Variants in MOB1B observed in about 807,000 individuals in gnomAD.
MOB1B encodes MOB kinase activator 1B.
A neutral mutation model predicts 24.4 loss-of-function variants in MOB1B; 19 were observed. That is an observed-to-expected ratio of 0.78 (90% CI 0.54 to 1.14). The LOEUF is 1.14. MOB1B is among the 50% of genes most tolerant of loss of function. MOB1B has a pLI of 0.00. For missense variants in MOB1B, 243 were observed against 259.6 expected (o/e 0.94, Z 0.44); for synonymous variants, 76 against 82.1 (o/e 0.93, Z 0.40).
chr4:70,927,003 G>A (rs75911286), intron 1 of MOB1B, among the ~76,000 whole-genome samples: 124 of 141,060 alleles, frequency 8.8e-4, no homozygotes, highest in East Asian at 1.0e-3. Flanking sequence ...TCTCAAAAAA[G>A]AAAAAAAAAA....
At chr4:70,951,282 G>A (rs1560651424) in intron 1 of MOB1B, among the ~76,000 whole-genome samples, 1 of 152,102 alleles carries the variant, frequency 6.6e-6, no homozygotes, top group Admixed American at 6.6e-5. Flanking sequence ...GTTGTCTTCC[G>A]TGAAACTGGT....
chr4:70,941,562 C>A (rs1206518110), intron 1 of MOB1B, among the ~76,000 whole-genome samples: 2 of 152,034 alleles, frequency 1.3e-5, no homozygotes, highest in South Asian at 2.1e-4. Context: ...AGGATGGTCT[C>A]GATCTCCTGA....
chr4:70,974,691 A>G (rs1398292374), intron 3 of MOB1B, among the ~76,000 whole-genome samples: 1 of 152,194 alleles, frequency 6.6e-6, no homozygotes, highest in African/African-American at 2.4e-5. Context: ...TCTCATCTTC[A>G]TTAATCTTAT....
intron 2 of MOB1B, among the ~76,000 whole-genome samples, chr4:70,962,893 A>G (rs1223787893): frequency 6.6e-6 from 1 of 152,090 alleles, no homozygotes; most frequent in Admixed American, 6.5e-5. Flanking sequence ...AGTCCCAGCT[A>G]CTTGGCAGGC....
At chr4:70,937,196 G>A (rs1737120410) in intron 1 of MOB1B, among the ~76,000 whole-genome samples, 2 of 152,084 alleles carry the variant, frequency 1.3e-5, no homozygotes, top group South Asian at 4.1e-4. Flanking sequence ...GGGATTACAG[G>A]CGTGAGCCAC....
intron 1 of MOB1B, among the ~76,000 whole-genome samples, chr4:70,934,266 A>G (rs745531276): frequency 4.7e-5 from 7 of 147,818 alleles, no homozygotes; most frequent in Non-Finnish European, 7.4e-5. Context: ...TTGTATTTTT[A>G]GTAGAGATGG....
At position 70,982,835 on chromosome 4, in the gene MOB1B, A is replaced by G. The variant is rs1336368574; in HGVS notation, c.*778A>G. 1 of 152,540 alleles carries G rather than the reference A, an allele frequency of 6.6e-6. No individual in the cohort carries two copies. Among genetic ancestry groups the G allele is most frequent in the East Asian group, 1.9e-4 (1 of 5,176 alleles). The allele number at this position is 152,540 out of a possible 1,614,324, so 9.4% of individuals were successfully genotyped here. A position where few individuals can be genotyped will look rare whatever the true frequency, so the allele number is the denominator to read the frequency against. ...CTGTAGATGTAAAAATTCAGGTTAT[A>G]TATAGGATTGCCATCTTCAGAGGTG... On this transcript the variant is annotated 3_prime_UTR_variant, in exon 6 of 6. Transcript: ENST00000309395.
chr4:70,965,510 A>G (rs929164906), intron 2 of MOB1B, among the ~76,000 whole-genome samples: 4 of 151,394 alleles, frequency 2.6e-5, no homozygotes, highest in African/African-American at 9.7e-5. Flanking sequence ...TAAAAGTTGT[A>G]AGAGAGGCCG....
At chr4:70,979,057 C>A (rs1462897256) in intron 4 of MOB1B, 71 bp from the exon 5 acceptor site, 2 of 1,259,000 alleles carry the variant, frequency 1.6e-6, no homozygotes, top group Non-Finnish European at 2.3e-6. Flanking sequence ...TTTATGTTGA[C>A]CTTTGCCGAC....
At chr4:70,954,349 A>T (rs903289398) in intron 1 of MOB1B, among the ~76,000 whole-genome samples, 3 of 152,234 alleles carry the variant, frequency 2.0e-5, no homozygotes, top group Admixed American at 6.5e-5. Context: ...ACTGCTAAAG[A>T]AAAAATAGGC....
intron 1 of MOB1B, among the ~76,000 whole-genome samples, chr4:70,926,945 C>T (rs1427469707): frequency 6.7e-6 from 1 of 149,376 alleles, no homozygotes; most frequent in Admixed American, 6.8e-5. Flanking sequence ...TACAGTGAGC[C>T]GAGATTGTGA....
chr4:70,931,854 C>G (rs1234893845), intron 1 of MOB1B, among the ~76,000 whole-genome samples: 1 of 152,132 alleles, frequency 6.6e-6, no homozygotes, highest in Admixed American at 6.6e-5. Flanking sequence ...TCTCAGTCTC[C>G]TAAGTAGCTG....
intron 1 of MOB1B, among the ~76,000 whole-genome samples, chr4:70,937,733 C>T (rs145023021): frequency 1.0e-3 from 158 of 152,168 alleles, no homozygotes; most frequent in African/African-American, 3.7e-3. Flanking sequence ...CCCATGTTGG[C>T]CAGGCTGGTC....
chr4:70,979,187 A>G lies in MOB1B; in HGVS notation c.469A>G (p.Arg157Gly). 6.2e-7 allele frequency: 1 copy of G among 1,613,890 alleles called. No homozygotes were observed. Among genetic ancestry groups the G allele is most frequent in the Non-Finnish European group, 8.5e-7 (1 of 1,179,824 alleles). Residue 157 changes from arginine (R) to glycine (G), a missense_variant, in exon 5 of 6, where the codon AGG becomes GGG. Coordinates refer to ENST00000309395, the MANE Select transcript of MOB1B (RefSeq NM_173468.4). ...VAKTILKRLF[R>G]VYAHIYHQHF... The stretch of plus-strand genomic sequence containing the variant: ...AAAAACTATACTCAAACGCCTCTTT[A>G]GGGTTTATGCTCACATTTATCATCA...
intron 1 of MOB1B, among the ~76,000 whole-genome samples, chr4:70,916,290 G>A (rs1478097963): frequency 1.3e-5 from 2 of 152,092 alleles, no homozygotes; most frequent in East Asian, 1.9e-4. Context: ...CATAGGTTAC[G>A]GTGTCCTCAT....
At chr4:70,938,648 A>G (rs1157096559) in intron 1 of MOB1B, among the ~76,000 whole-genome samples, 1 of 152,082 alleles carries the variant, frequency 6.6e-6, no homozygotes, top group Non-Finnish European at 1.5e-5. Flanking sequence ...CAGAGTGGTA[A>G]AAATCCTGTT....
At chr4:70,956,819 A>C (rs908089919) in intron 1 of MOB1B, among the ~76,000 whole-genome samples, 2 of 152,158 alleles carry the variant, frequency 1.3e-5, no homozygotes, top group African/African-American at 2.4e-5. Context: ...TTAAACACCT[A>C]TGGAGAGACC....
chr4:70,932,602 T>C (rs941880061), intron 1 of MOB1B, among the ~76,000 whole-genome samples: 1 of 152,146 alleles, frequency 6.6e-6, no homozygotes, highest in African/African-American at 2.4e-5. Context: ...GGGAAGTAAA[T>C]CAACTCTCTC....
chr4:70,934,630 A>G (rs1737013227), intron 1 of MOB1B, among the ~76,000 whole-genome samples: 1 of 150,902 alleles, frequency 6.6e-6, no homozygotes, highest in East Asian at 2.0e-4. Context: ...ATTTTTTTGT[A>G]TTTTTAATAG....
Sources: gnomAD v4.1 joint callset for allele counts (sites outside exome capture counted in the v4.1 genomes callset) on GRCh38, gnomAD v4.1.1 for gene constraint, MANE v1.5 for transcripts, NCBI Gene and HGNC (gene_info 2026-07-23, HGNC 2026-07-21) for gene names.